PRKCB: variants seen among roughly 807,000 people sequenced by gnomAD.
PRKCB encodes protein kinase C beta.
Under a neutral mutation model 81.5 loss-of-function variants are expected in PRKCB, and 13 were observed. The observed-to-expected ratio is 0.16, with a 90% CI of 0.10 to 0.25. The LOEUF (loss-of-function observed/expected upper bound fraction) is 0.25. PRKCB is among the 10% of genes least tolerant of loss of function. The pLI is 1.00. For missense variants in PRKCB, 509 were observed against 875.7 expected (o/e 0.58, Z 5.29); for synonymous variants, 335 against 321.4 (o/e 1.04, Z -0.45).
intron 5 of PRKCB, among the ~76,000 whole-genome samples, chr16:24,063,356 A>G (rs954183898): frequency 4.0e-5 from 6 of 150,130 alleles, no homozygotes; most frequent in Non-Finnish European, 8.9e-5. Flanking sequence ...GTGCAGTGGC[A>G]TGATCTTGGC....
chr16:24,116,830 T>A lies in PRKCB; in HGVS notation c.918+3761T>A, dbSNP rs140771087. 2.1e-3 allele frequency among the ~76,000 whole-genome samples: 321 copies of A among 152,352 alleles called. 1 individual carries two copies. The highest frequency in any genetic ancestry group is 3.7e-3 in the Non-Finnish European group (254 of 68,036). ...AAAACACAAGGCCAGTATTTTCTTGTATATAACCAAGTCTCAGTTTTGCAA... is the reference window on the plus strand; with the variant it reads ...AAAACACAAGGCCAGTATTTTCTTGAATATAACCAAGTCTCAGTTTTGCAA... On this transcript the variant is annotated intron_variant, in intron 8 of 16. Transcript: ENST00000643927.
intron 16 of PRKCB, among the ~76,000 whole-genome samples, chr16:24,201,139 T>C (rs1967950604): frequency 6.6e-6 from 1 of 152,112 alleles, no homozygotes; most frequent in African/African-American, 2.4e-5. Context: ...ATGTGAGACT[T>C]ACCCTCACTC....
intron 5 of PRKCB, among the ~76,000 whole-genome samples, chr16:24,061,910 T>TTAAAAAAAAAAA (rs1435113766): frequency 1.1e-5 from 1 of 93,760 alleles, no homozygotes; most frequent in Non-Finnish European, 2.2e-5. Context: ...CTTAAATAAA[T>TTAAAAAAAAAAA]AAAAAAAAAA....
intron 2 of PRKCB, among the ~76,000 whole-genome samples, chr16:23,848,829 T>C (rs146177318): frequency 4.6e-5 from 7 of 152,366 alleles, no homozygotes; most frequent in African/African-American, 1.7e-4. Context: ...CTTAGCACCC[T>C]ACCTGACATA....
At chr16:23,866,778 T>C (rs556906187) in intron 2 of PRKCB, among the ~76,000 whole-genome samples, 22 of 152,204 alleles carry the variant, frequency 1.4e-4, no homozygotes, top group African/African-American at 5.3e-4. Flanking sequence ...GCTGGACCAC[T>C]GTATACTCCC....
intron 7 of PRKCB, among the ~76,000 whole-genome samples, chr16:24,095,034 C>G (rs1292830239): frequency 6.6e-6 from 1 of 152,080 alleles, no homozygotes; most frequent in Non-Finnish European, 1.5e-5. Context: ...ATAGTTAATG[C>G]CCCCTTTAGA....
intron 2 of PRKCB, among the ~76,000 whole-genome samples, chr16:23,843,122 T>C (rs1212685256): frequency 6.6e-6 from 1 of 151,898 alleles, no homozygotes; most frequent in Non-Finnish European, 1.5e-5. Context: ...TGTATTTATA[T>C]AACAAAAAAT....
chr16:23,866,425 A>T (rs1335501630), intron 2 of PRKCB, among the ~76,000 whole-genome samples: 1 of 152,240 alleles, frequency 6.6e-6, no homozygotes, highest in African/African-American at 2.4e-5. Flanking sequence ...ATTACACAAC[A>T]TAGATAAGAT....
At position 23,875,565 on chromosome 16, in the gene PRKCB, G is replaced by A. The variant is rs199987526; in HGVS notation, c.205+38159G>A. 3.5e-4 allele frequency among the ~76,000 whole-genome samples: 7 copies of A among 19,960 alleles called. 1 individual carries two copies. Among genetic ancestry groups the A allele is most frequent in the South Asian group, 1.7e-3 (1 of 594 alleles). The allele number at this position is 19,960 out of a possible 152,430, so 13.1% of individuals were successfully genotyped here. A position where few individuals can be genotyped will look rare whatever the true frequency, so the allele number is the denominator to read the frequency against. The stretch of plus-strand genomic sequence containing the variant: ...ACATATGTATGTATATCACACACAT[G>A]TGTATATCAAACACATATGTATATC... On this transcript the variant is annotated intron_variant, in intron 2 of 16. Transcript: ENST00000643927.
intron 8 of PRKCB, among the ~76,000 whole-genome samples, chr16:24,122,887 C>G (rs1176747726): frequency 6.6e-6 from 1 of 152,200 alleles, no homozygotes; most frequent in East Asian, 1.9e-4. Context: ...CCTGCTGCCA[C>G]TCTGAGCCCC....
chr16:23,997,682 T>C (rs1964979144), intron 3 of PRKCB, among the ~76,000 whole-genome samples: 1 of 152,234 alleles, frequency 6.6e-6, no homozygotes. Flanking sequence ...ATATCAGTAT[T>C]TTTATGTCTT....
intron 2 of PRKCB, among the ~76,000 whole-genome samples, chr16:23,850,428 C>T (rs1479917554): frequency 6.6e-6 from 1 of 152,056 alleles, no homozygotes; most frequent in East Asian, 1.9e-4. Context: ...TACAATGGTG[C>T]GATCTCAGCT....
intron 15 of PRKCB, among the ~76,000 whole-genome samples, chr16:24,188,896 T>G (rs1297235703): frequency 1.3e-5 from 2 of 152,158 alleles, no homozygotes; most frequent in African/African-American, 4.8e-5. Context: ...TAAAGAGTAA[T>G]GGGTAATGGC....
Position 24,219,865 on chromosome 16 carries a change from C to T in PRKCB, c.*5049C>T, listed in dbSNP as rs1046355693. 2.7e-6 allele frequency: 4 copies of T among 1,492,390 alleles called. No homozygotes were observed. In the African/African-American group the frequency reaches 4.2e-5, roughly 16 times the overall value. 92.4% of individuals were successfully genotyped at this position (1,492,390 alleles called of 1,614,324 possible). A position where few individuals can be genotyped will look rare whatever the true frequency, so the allele number is the denominator to read the frequency against. On this transcript the variant is annotated 3_prime_UTR_variant, in exon 17 of 17. Transcript: ENST00000643927. ...CAGCACAGGGCTCTTTCTGACTCTG[C>T]TCATGAGATGGTATCAGCCACCCAA... is the stretch of plus-strand genomic sequence containing the variant.
chr16:24,106,669 G>C (rs942050297), intron 7 of PRKCB, among the ~76,000 whole-genome samples: 1 of 152,076 alleles, frequency 6.6e-6, no homozygotes, highest in East Asian at 1.9e-4. Context: ...TCAATTTACA[G>C]TCTTATCAAT....
chr16:24,151,286 G>T (rs1359921299), intron 9 of PRKCB, among the ~76,000 whole-genome samples: 1 of 152,182 alleles, frequency 6.6e-6, no homozygotes, highest in Admixed American at 6.5e-5. Context: ...TATATAGCTA[G>T]AATTTACTGG....
At chr16:24,083,244 G>A (rs1416037056) in intron 5 of PRKCB, among the ~76,000 whole-genome samples, 1 of 152,180 alleles carries the variant, frequency 6.6e-6, no homozygotes, top group Admixed American at 6.5e-5. Context: ...ATTCATCACT[G>A]TGGGAATGCA....
At chr16:24,061,910 TA>T (rs1210402981) in intron 5 of PRKCB, among the ~76,000 whole-genome samples, 5,970 of 93,802 alleles carry the variant, frequency 0.064, 447 homozygotes, top group African/African-American at 0.2. Flanking sequence ...CTTAAATAAA[TA>T]AAAAAAAAAA....
At chr16:23,975,726 A>G (rs1294426555) in intron 2 of PRKCB, among the ~76,000 whole-genome samples, 1 of 152,188 alleles carries the variant, frequency 6.6e-6, no homozygotes, top group Middle Eastern at 3.2e-3. Context: ...TGCTAGTAAC[A>G]CCAAGCTCCT....
Sources: gnomAD v4.1 joint callset for allele counts (sites outside exome capture counted in the v4.1 genomes callset) on GRCh38, gnomAD v4.1.1 for gene constraint, MANE v1.5 for transcripts, NCBI Gene and HGNC (gene_info 2026-07-23, HGNC 2026-07-21) for gene names.